The following IRAK1BP1 variants were observed in gnomAD, a reference collection of about 807,000 sequenced individuals.
IRAK1BP1 encodes the protein interleukin 1 receptor associated kinase 1 binding protein 1.
A neutral mutation model predicts 28.0 loss-of-function variants in IRAK1BP1; 24 were observed. That is an observed-to-expected ratio of 0.86 (90% CI 0.62 to 1.20). IRAK1BP1 has a LOEUF of 1.20. Among genes scored for constraint, IRAK1BP1 ranks in the 50% most tolerant of loss-of-function variants. The pLI, the probability that IRAK1BP1 is intolerant of heterozygous loss-of-function variation, is 0.00. For missense variants in IRAK1BP1, 336 were observed against 316.7 expected (o/e 1.06, Z -0.46); for synonymous variants, 131 against 116.3 (o/e 1.13, Z -0.81).
chr6:78,927,278 T>G (rs1230738603), intron 4 of IRAK1BP1, among the ~76,000 whole-genome samples: 1 of 152,220 alleles, frequency 6.6e-6, no homozygotes, highest in African/African-American at 2.4e-5. Flanking sequence ...TAGTTTTGAT[T>G]TGCATTTCTC....
chr6:78,942,489 C>T (rs1296847351), intron 4 of IRAK1BP1, among the ~76,000 whole-genome samples: 1 of 151,936 alleles, frequency 6.6e-6, no homozygotes, highest in Non-Finnish European at 1.5e-5. Context: ...ATCTCAAAAA[C>T]AAAACAAAAC....
intron 4 of IRAK1BP1, chr6:78,940,044 G>C (rs1405230446): frequency 7.3e-6 from 1 of 137,874 alleles, no homozygotes; most frequent in Non-Finnish European, 1.6e-5. Context: ...TTCCAATGTG[G>C]ATATGTTTCC....
chr6:78,936,690 C>T (rs1208919927), intron 4 of IRAK1BP1: 1 of 151,856 alleles, frequency 6.6e-6, no homozygotes, highest in East Asian at 1.9e-4. Flanking sequence ...TTTCTACTCA[C>T]TGTTCTACTG....
chr6:78,948,390 A>C (rs1446005569), downstream of IRAK1BP1, among the ~76,000 whole-genome samples: 2 of 152,208 alleles, frequency 1.3e-5, no homozygotes, highest in Non-Finnish European at 2.9e-5. Context: ...AACCAATAAA[A>C]ACACACACGT....
the IRAK1BP1 span, chr6:78,955,612 C>A: frequency 1.1e-6 from 1 of 924,966 alleles, no homozygotes; most frequent in South Asian, 1.5e-5. Flanking sequence ...ATATTACATA[C>A]CTCAGAATCA....
intron 4 of IRAK1BP1, among the ~76,000 whole-genome samples, chr6:78,931,100 A>G (rs1208882527): frequency 6.6e-6 from 1 of 152,156 alleles, no homozygotes; most frequent in Non-Finnish European, 1.5e-5. Flanking sequence ...AGAAAAAATG[A>G]GATAAAAATT....
At chr6:78,936,419 TC>T (rs994650439) in intron 4 of IRAK1BP1, 1 of 151,856 alleles carries the variant, frequency 6.6e-6, no homozygotes, top group African/African-American at 2.4e-5. Flanking sequence ...TTGTATTGTC[TC>T]ATGTTATAGT....
intron 4 of IRAK1BP1, among the ~76,000 whole-genome samples, chr6:78,943,318 G>A (rs567303277): frequency 1.3e-5 from 2 of 152,096 alleles, no homozygotes; most frequent in African/African-American, 2.4e-5. Context: ...ACCAGTACTC[G>A]AGTATTTGTA....
At chr6:78,941,128 A>G (rs188746047) in intron 4 of IRAK1BP1, 1 of 1,613,944 alleles carries the variant, frequency 6.2e-7, no homozygotes, top group African/African-American at 1.3e-5. Context: ...GATGCACATT[A>G]TTTTGCTCTA....
At chr6:78,928,661 T>A (rs2127669251) in intron 4 of IRAK1BP1, among the ~76,000 whole-genome samples, 1 of 152,254 alleles carries the variant, frequency 6.6e-6, no homozygotes, top group African/African-American at 2.4e-5. Context: ...GTCTCTAATA[T>A]ATGGCTTTTA....
downstream of IRAK1BP1, among the ~76,000 whole-genome samples, chr6:78,950,878 T>C (rs184353661): frequency 6.6e-6 from 1 of 152,282 alleles, no homozygotes; most frequent in Non-Finnish European, 1.5e-5. Context: ...TTTGTTGGCT[T>C]ACCTTTGGGT....
At chr6:78,914,560 C>T (rs1325486003) in intron 4 of IRAK1BP1, among the ~76,000 whole-genome samples, 6 of 152,114 alleles carry the variant, frequency 3.9e-5, no homozygotes, top group Non-Finnish European at 7.4e-5. Flanking sequence ...AATTCCATGT[C>T]TTCTATTTTT....
chr6:78,972,365 A>G, the IRAK1BP1 span, among the ~76,000 whole-genome samples: 1 of 152,220 alleles, frequency 6.6e-6, no homozygotes, highest in East Asian at 1.9e-4. Flanking sequence ...ATCCACATCA[A>G]AAACCCATCT....
chr6:78,916,105 C>A (rs1390971148), intron 4 of IRAK1BP1, among the ~76,000 whole-genome samples: 1 of 152,122 alleles, frequency 6.6e-6, no homozygotes, highest in East Asian at 1.9e-4. Context: ...GTTTAAATAC[C>A]CTCTAGAGGT....
chr6:78,971,232 G>C, the IRAK1BP1 span, among the ~76,000 whole-genome samples: 11 of 152,256 alleles, frequency 7.2e-5, no homozygotes, highest in African/African-American at 2.6e-4. Flanking sequence ...TTTTTAGCAA[G>C]TAGTTTGTAC....
chr6:78,885,091 T>G (rs1211378357), intron 1 of IRAK1BP1, among the ~76,000 whole-genome samples: 1 of 152,046 alleles, frequency 6.6e-6, no homozygotes, highest in Admixed American at 6.5e-5. Context: ...TTTACCGTAT[T>G]GTGATAAATA....
intron 4 of IRAK1BP1, chr6:78,945,242 A>G: frequency 7.9e-7 from 1 of 1,267,218 alleles, no homozygotes. Flanking sequence ...GATTCCAACA[A>G]AAGCATTATT....
intron 4 of IRAK1BP1, among the ~76,000 whole-genome samples, chr6:78,919,308 C>G (rs1158923128): frequency 6.6e-6 from 1 of 151,694 alleles, no homozygotes; most frequent in Non-Finnish European, 1.5e-5. Flanking sequence ...AACAAACTAG[C>G]CCCAAAGTGA....
At chr6:78,947,881 C>A (rs534957477), downstream of IRAK1BP1, 2 of 697,862 alleles carry the variant, frequency 2.9e-6, no homozygotes, top group South Asian at 4.2e-5. Context: ...AGTCCTAGAA[C>A]TCTTAATAAT....
Sources: gnomAD v4.1 joint callset for allele counts (sites outside exome capture counted in the v4.1 genomes callset) on GRCh38, gnomAD v4.1.1 for gene constraint, MANE v1.5 for transcripts, NCBI Gene and HGNC (gene_info 2026-07-23, HGNC 2026-07-21) for gene names.